The following KCNQ1 variants were observed in gnomAD, a reference collection of about 807,000 sequenced individuals.
KCNQ1 encodes the protein potassium voltage-gated channel subfamily Q member 1, also known as potassium voltage-gated channel subfamily KQT member 1.
Under a neutral mutation model 72.4 loss-of-function variants are expected in KCNQ1, and 49 were observed. The ratio of observed to expected loss-of-function variants is 0.68; its 90% CI spans 0.54 to 0.86. The LOEUF (loss-of-function observed/expected upper bound fraction) is 0.86, where lower values mean the gene tolerates loss of function less well. Among genes scored for constraint, KCNQ1 ranks in the 40% least tolerant of loss-of-function variants. KCNQ1 has a pLI of 0.00. For synonymous variants in KCNQ1, 450 were observed against 412.6 expected (o/e 1.09, Z -1.10); for missense variants, 790 against 945.1 (o/e 0.84, Z 2.15).
At chr11:2,780,417 G>A (rs1209620088) in intron 15 of KCNQ1, among the ~76,000 whole-genome samples, 2 of 152,200 alleles carry the variant, frequency 1.3e-5, no homozygotes, top group South Asian at 2.1e-4. Flanking sequence ...CCCGGCCCTC[G>A]GAGGCCCAGC....
At chr11:2,641,083 C>T (rs933589196) in intron 10 of KCNQ1, 2 of 398,316 alleles carry the variant, frequency 5.0e-6, no homozygotes, top group Admixed American at 4.4e-5. Context: ...CACTTAGGTT[C>T]CTGAGTCCAT....
At chr11:2,696,229 C>T (rs1167958941) in intron 11 of KCNQ1, 2 of 398,570 alleles carry the variant, frequency 5.0e-6, no homozygotes, top group Non-Finnish European at 8.8e-6. Context: ...TCCTATTAAA[C>T]AAATGGCAAC....
chr11:2,848,434 C>CT lies in KCNQ1; in HGVS notation c.*432dup, dbSNP rs1453839999. The CT allele has an allele frequency of 2.1e-6, 1 of 467,708 alleles. No homozygotes were observed. Among genetic ancestry groups the CT allele is most frequent in the East Asian group, 6.5e-5 (1 of 15,358 alleles). The allele number at this position is 467,708 out of a possible 1,614,324, so 29.0% of individuals were successfully genotyped here. On this transcript the variant is annotated 3_prime_UTR_variant, in exon 16 of 16. Coordinates refer to ENST00000155840, the MANE Select transcript of KCNQ1 (RefSeq NM_000218.3). ...GGACCCCAGCCTCAAATCCAGGACC[C>CT]TGCCAGGCACAGGCAGGGCAGGACC... is the stretch of plus-strand genomic sequence containing the variant.
intron 11 of KCNQ1, among the ~76,000 whole-genome samples, chr11:2,701,219 G>T (rs1259169282): frequency 6.6e-6 from 1 of 152,174 alleles, no homozygotes; most frequent in Non-Finnish European, 1.5e-5. Context: ...CCGGGTTGGG[G>T]GTTTTGTTGT....
intron 10 of KCNQ1, chr11:2,630,537 T>A (rs1849336312): frequency 2.5e-6 from 1 of 398,216 alleles, no homozygotes; most frequent in African/African-American, 2.1e-5. Context: ...ATATTGCATA[T>A]CCATTGAGAA....
chr11:2,473,972 G>A lies in KCNQ1; in HGVS notation c.386+28488G>A, dbSNP rs1846531321. The stretch of plus-strand genomic sequence containing the variant: ...GATGCCAGGAACGGGGCACTGCAGG[G>A]CCCTTGGGAGGGAGGTAAGCGGGCA... On this transcript the variant is annotated intron_variant, in intron 1 of 15. Coordinates refer to ENST00000155840, the MANE Select transcript of KCNQ1 (RefSeq NM_000218.3). The surrounding 1 kb of genome is among the most constrained non-coding windows in gnomAD (Gnocchi z 6.0). Among the ~76,000 whole-genome samples, 1 of 152,254 alleles carries A rather than the reference G, an allele frequency of 6.6e-6. No individual in the cohort carries two copies. Among genetic ancestry groups the A allele is most frequent in the African/African-American group, 2.4e-5 (1 of 41,476 alleles).
rs190917477 is a variant in KCNQ1 at position 2,691,538 on chromosome 11, A to G, written c.1514+29457A>G. On this transcript the variant is annotated intron_variant, in intron 11 of 15. Transcript: ENST00000155840. This position sits in a 1 kb window ranked among gnomAD's most constrained non-coding sequence, Gnocchi z 6.4. ...TTGGCTTTGCATTAAAGTTGGGGGG[A>G]TTTCTCTATCCTGAGGTTATGAAAT... is the stretch of plus-strand genomic sequence containing the variant. The G allele has an allele frequency of 2.1e-3, 849 of 398,342 alleles. 1 individual carries two copies. The highest frequency in any genetic ancestry group is 3.1e-3 in the Non-Finnish European group (704 of 226,004). The allele number at this position is 398,342 out of a possible 1,614,324, so 24.7% of individuals were successfully genotyped here.
In KCNQ1 at chr11:2,654,137, C is replaced by T. The variant is rs1057437738; in HGVS notation, c.1394-7824C>T. 2.5e-6 allele frequency: 1 copy of T among 398,518 alleles called. No individual in the cohort carries two copies. 24.7% of individuals were successfully genotyped at this position (398,518 alleles called of 1,614,324 possible). A position where few individuals can be genotyped will look rare whatever the true frequency, so the allele number is the denominator to read the frequency against. Reference sequence around the variant, plus strand: ...ACAGGTGGTGGCGGGGCCACTCTGGCTCAGGGTCTATGAGCCGGGCATGGG... The same window carrying T: ...ACAGGTGGTGGCGGGGCCACTCTGGTTCAGGGTCTATGAGCCGGGCATGGG... On this transcript the variant is annotated intron_variant, in intron 10 of 15. Coordinates refer to ENST00000155840, the MANE Select transcript of KCNQ1 (RefSeq NM_000218.3). This position sits in a 1 kb window ranked among gnomAD's most constrained non-coding sequence, Gnocchi z 6.4.
At chr11:2,672,273 C>T (rs1011549750) in intron 11 of KCNQ1, 8 of 398,570 alleles carry the variant, frequency 2.0e-5, no homozygotes, top group South Asian at 1.3e-4. Flanking sequence ...AACTGCCCCA[C>T]GAACCCCACC....
intron 6 of KCNQ1, among the ~76,000 whole-genome samples, chr11:2,577,777 G>A (rs1466882869): frequency 6.6e-6 from 1 of 152,100 alleles, no homozygotes; most frequent in Non-Finnish European, 1.5e-5. Context: ...CACGGGGGCT[G>A]GGCGTCCCCT....
intron 11 of KCNQ1, chr11:2,697,335 G>A (rs976335717): frequency 3.8e-5 from 15 of 398,446 alleles, no homozygotes; most frequent in Non-Finnish European, 6.6e-5. Context: ...AACCCTATGA[G>A]CTACACTAAG....
chr11:2,681,343 C>T (rs1850393096), intron 11 of KCNQ1: 1 of 398,464 alleles, frequency 2.5e-6, no homozygotes, highest in Non-Finnish European at 4.4e-6. Flanking sequence ...CCGTCTTTTC[C>T]TTGTAGCTCC....
intron 10 of KCNQ1, chr11:2,618,282 A>G (rs1473195411): frequency 7.5e-6 from 3 of 398,502 alleles, no homozygotes; most frequent in African/African-American, 6.2e-5. Context: ...CATAAAATAC[A>G]CTAACAATAA....
intron 1 of KCNQ1, among the ~76,000 whole-genome samples, chr11:2,445,975 C>T (rs1437447881): frequency 6.6e-6 from 1 of 152,138 alleles, no homozygotes; most frequent in African/African-American, 2.4e-5. Flanking sequence ...AGGAAGGTGA[C>T]GGTGGCGGTG....
rs531906200 is a variant in KCNQ1, at chr11:2,823,092, C to T, written c.1795-24675C>T. Among the ~76,000 whole-genome samples, 16 of 152,166 alleles carry T rather than the reference C, an allele frequency of 1.1e-4. No individual in the cohort carries two copies. The South Asian group carries it at 2.7e-3, about 26-fold the overall frequency. ...AAAGGGAGATGAGAGGAAATAGAGACTAAAGAAAGGGCCCACTGAGAACCT... is the reference window on the plus strand; with the variant it reads ...AAAGGGAGATGAGAGGAAATAGAGATTAAAGAAAGGGCCCACTGAGAACCT... On this transcript the variant is annotated intron_variant, in intron 15 of 15. Coordinates refer to ENST00000155840, the MANE Select transcript of KCNQ1 (RefSeq NM_000218.3).
intron 1 of KCNQ1, among the ~76,000 whole-genome samples, chr11:2,469,264 T>G (rs892173271): frequency 1.4e-4 from 20 of 139,448 alleles, no homozygotes; most frequent in Admixed American, 4.3e-4. Flanking sequence ...AATTCAAGAG[T>G]TTTTTTTTTT....
rs897853532 is a variant in KCNQ1, at chr11:2,642,166, T to C, written c.1394-19795T>C. 1.3e-5 allele frequency: 5 copies of C among 398,340 alleles called. No individual in the cohort carries two copies. The highest frequency in any genetic ancestry group is 8.2e-5 in the African/African-American group (4 of 48,624). 24.7% of individuals were successfully genotyped at this position (398,340 alleles called of 1,614,324 possible). ...CTATTTCCATGAAAAATGGCATTGG[T>C]ATTTTGAGAGAGACTGCATTGAATC... On this transcript the variant is annotated intron_variant, in intron 10 of 15. Coordinates refer to ENST00000155840, the MANE Select transcript of KCNQ1 (RefSeq NM_000218.3). The surrounding 1 kb of genome is among the most constrained non-coding windows in gnomAD (Gnocchi z 4.3).
intron 11 of KCNQ1, chr11:2,672,063 CT>C: frequency 5.0e-6 from 2 of 398,744 alleles, no homozygotes; most frequent in Non-Finnish European, 8.8e-6. Flanking sequence ...GTATCCTCCC[CT>C]GGTCCCTGGT....
At chr11:2,706,932 C>T (rs544051454) in intron 11 of KCNQ1, among the ~76,000 whole-genome samples, 52 of 152,174 alleles carry the variant, frequency 3.4e-4, no homozygotes, top group African/African-American at 1.2e-3. Context: ...GGAGAGGGTG[C>T]GTGATGGGTG....
Sources: gnomAD v4.1 joint callset for allele counts (sites outside exome capture counted in the v4.1 genomes callset) on GRCh38, gnomAD v4.1.1 for gene constraint, Gnocchi (gnomAD v3.1) non-coding constraint, MANE v1.5 for transcripts, NCBI Gene and HGNC (gene_info 2026-07-23, HGNC 2026-07-21) for gene names.